MGAT4D: variants seen among roughly 807,000 people sequenced by gnomAD.
MGAT4D encodes alpha-1,3-mannosyl-glycoprotein 4-beta-N-acetylglucosaminyltransferase-like protein MGAT4D.
MGAT4D carries 34 observed loss-of-function variants against 15.9 expected under a neutral mutation model. The ratio of observed to expected loss-of-function variants is 2.14; its 90% CI spans 1.62 to 2.84. The LOEUF (loss-of-function observed/expected upper bound fraction) is 2.84, where lower values mean the gene tolerates loss of function less well. Among genes scored for constraint, MGAT4D ranks in the 30% most tolerant of loss-of-function variants. The probability of loss-of-function intolerance (pLI) is 0.00; values close to 1 mark genes in which losing one functional copy is unlikely to be tolerated. For missense variants in MGAT4D, 327 were observed against 140.2 expected (o/e 2.33, Z -6.73); for synonymous variants, 112 against 48.2 (o/e 2.33, Z -5.49).
chr4:140,497,087 T>C (rs764152236), intron 1 of MGAT4D, among the ~76,000 whole-genome samples: 1 of 152,218 alleles, frequency 6.6e-6, no homozygotes, highest in African/African-American at 2.4e-5. Context: ...TTTGTGTATA[T>C]GATGATAAAA....
intron 9 of MGAT4D, among the ~76,000 whole-genome samples, chr4:140,452,897 T>G (rs1292732912): frequency 6.6e-6 from 1 of 152,154 alleles, no homozygotes; most frequent in Non-Finnish European, 1.5e-5. Context: ...TTTTTGTGTT[T>G]AGATAGATGA....
rs543267573 is a variant in MGAT4D, at chr4:140,478,174, G to A, written c.391+1316C>T. ...GATTGGAGATCAATAAATTGTTGGG[G>A]AATTAGAAAATTATTCTGGATTTAA... On this transcript the variant is annotated intron_variant, in intron 3 of 10. Transcript: ENST00000511113. 2.8e-4 allele frequency among the ~76,000 whole-genome samples: 43 copies of A among 152,218 alleles called. No homozygotes were observed. In the South Asian group the frequency reaches 6.0e-3, roughly 21 times the overall value.
At chr4:140,451,621 A>G (rs2126680808) in intron 9 of MGAT4D, 104 bp from the exon 10 acceptor site, 1 of 393,684 alleles carries the variant, frequency 2.5e-6, no homozygotes, top group South Asian at 1.0e-4. Context: ...CTAGAGTTCT[A>G]TTTTCATATT....
At chr4:140,467,913 TA>T (rs966494777) in intron 5 of MGAT4D, among the ~76,000 whole-genome samples, 1 of 151,978 alleles carries the variant, frequency 6.6e-6, no homozygotes, top group Non-Finnish European at 1.5e-5. Flanking sequence ...AATCCAAATA[TA>T]AAACAATCTC....
Position 140,442,887 on chromosome 4 carries a change from T to C in MGAT4D, c.*549A>G, listed in dbSNP as rs1729860353. The C allele has an allele frequency of 6.6e-6, 1 of 152,156 alleles. No homozygotes were observed. Among genetic ancestry groups the C allele is most frequent in the Non-Finnish European group, 1.5e-5 (1 of 67,998 alleles). 9.4% of individuals were successfully genotyped at this position (152,156 alleles called of 1,614,324 possible). A position where few individuals can be genotyped will look rare whatever the true frequency, so the allele number is the denominator to read the frequency against. On this transcript the variant is annotated 3_prime_UTR_variant, in exon 11 of 11. Transcript: ENST00000511113. ...AGAGAAACTATGAAATCTTTAGAAC[T>C]AAATGACTATAAGAATACATATATA...
chr4:140,459,437 T>A, intron 8 of MGAT4D, 75 bp downstream of exon 8: 1 of 375,600 alleles, frequency 2.7e-6, no homozygotes, highest in East Asian at 3.7e-5. Flanking sequence ...ATAAACAAAC[T>A]GATAAACTGT....
chr4:140,479,538 CT>C lies in MGAT4D; in HGVS notation c.342del (p.Glu115LysfsTer8). The C allele has an allele frequency of 1.8e-6, 1 of 554,988 alleles. No homozygotes were observed. Among genetic ancestry groups the C allele is most frequent in the South Asian group, 2.5e-5 (1 of 40,650 alleles). The allele number at this position is 554,988 out of a possible 1,614,324, so 34.4% of individuals were successfully genotyped here. A position where few individuals can be genotyped will look rare whatever the true frequency, so the allele number is the denominator to read the frequency against. ...DLKFFFPHLR[K>X]EGRIYPDVII... ...ATTACATCAGGATAAATTCTACCTT[CT>C]TTCCTTAGATGAGGAAAAAAGAACT... On this transcript the variant is annotated frameshift_variant, in exon 3 of 11. Coordinates refer to ENST00000511113, the MANE Select transcript of MGAT4D (RefSeq NM_001277353.2). LOFTEE classifies it high-confidence loss of function.
At chr4:140,492,745 G>T (rs566201746) in intron 1 of MGAT4D, among the ~76,000 whole-genome samples, 1 of 152,100 alleles carries the variant, frequency 6.6e-6, no homozygotes, top group African/African-American at 2.4e-5. Context: ...AGCAGGGAAA[G>T]GAAAAGAAAG....
intron 10 of MGAT4D, among the ~76,000 whole-genome samples, chr4:140,448,578 A>G (rs1560761862): frequency 6.6e-6 from 1 of 152,092 alleles, no homozygotes; most frequent in Non-Finnish European, 1.5e-5. Flanking sequence ...TATACTGGTT[A>G]TTTTATCTGT....
intron 1 of MGAT4D, among the ~76,000 whole-genome samples, chr4:140,485,850 C>CAAAAAAAAAAAAAAAAAAAA (rs1578712314): frequency 9.5e-5 from 4 of 41,926 alleles, no homozygotes; most frequent in African/African-American, 1.4e-4. Flanking sequence ...AAAAAAAAAG[C>CAAAAAAAAAAAAAAAAAAAA]AATGATGATA....
At chr4:140,475,647 G>A (rs1578688693) in intron 3 of MGAT4D, among the ~76,000 whole-genome samples, 1 of 103,510 alleles carries the variant, frequency 9.7e-6, no homozygotes, top group Non-Finnish European at 1.9e-5. Flanking sequence ...TCTAGAAAGC[G>A]GTAATAAAAC....
intron 10 of MGAT4D, among the ~76,000 whole-genome samples, chr4:140,447,518 C>T (rs1730209736): frequency 6.6e-6 from 1 of 152,138 alleles, no homozygotes; most frequent in African/African-American, 2.4e-5. Flanking sequence ...ATTAGGATTG[C>T]AATCCCTGCC....
chr4:140,456,086 T>G (rs1014138834), intron 9 of MGAT4D, among the ~76,000 whole-genome samples: 1 of 152,148 alleles, frequency 6.6e-6, no homozygotes. Context: ...TGCAGTGAGC[T>G]GTGATTGTGC....
chr4:140,486,507 C>CA (rs1359745879), intron 1 of MGAT4D, among the ~76,000 whole-genome samples: 1 of 152,100 alleles, frequency 6.6e-6, no homozygotes, highest in African/African-American at 2.4e-5. Context: ...CACCCCGAAA[C>CA]AGGCCCCGGT....
chr4:140,476,017 G>C (rs1276840919), intron 3 of MGAT4D, among the ~76,000 whole-genome samples: 2 of 151,892 alleles, frequency 1.3e-5, no homozygotes, highest in African/African-American at 4.8e-5. Flanking sequence ...TCACCATGTT[G>C]GCCAGGCTGG....
intron 3 of MGAT4D, among the ~76,000 whole-genome samples, chr4:140,477,694 C>A (rs905938546): frequency 3.9e-5 from 6 of 152,226 alleles, no homozygotes; most frequent in Non-Finnish European, 8.8e-5. Flanking sequence ...GCCTTTTCTG[C>A]ATATACCCTG....
chr4:140,477,682 C>T (rs1049037412), intron 3 of MGAT4D, among the ~76,000 whole-genome samples: 4 of 152,220 alleles, frequency 2.6e-5, no homozygotes, highest in African/African-American at 9.6e-5. Context: ...TTGAAAGATA[C>T]AGCCTTTTCT....
intron 1 of MGAT4D, among the ~76,000 whole-genome samples, chr4:140,486,029 C>A (rs571303485): frequency 6.6e-6 from 1 of 151,918 alleles, no homozygotes. Context: ...TTACCATGAC[C>A]CACAAAGCCC....
intron 6 of MGAT4D, among the ~76,000 whole-genome samples, chr4:140,464,270 C>A (rs1352750806): frequency 6.6e-5 from 10 of 152,070 alleles, no homozygotes; most frequent in Non-Finnish European, 1.5e-4. Context: ...TTTGAGGGAC[C>A]AAATTATTAC....
Sources: allele counts gnomAD v4.1 joint callset (sites outside exome capture counted in the v4.1 genomes callset), GRCh38; gene constraint gnomAD v4.1.1; transcripts MANE v1.5; gene names NCBI Gene and HGNC (gene_info 2026-07-23, HGNC 2026-07-21).